The following C11orf65 variants were observed in gnomAD, a reference collection of about 807,000 sequenced individuals.
C11orf65 encodes chromosome 11 open reading frame 65, also known as protein MFI.
Under a neutral mutation model 35.3 loss-of-function variants are expected in C11orf65, and 38 were observed. The observed-to-expected ratio is 1.08, with a 90% CI of 0.83 to 1.41. The LOEUF is 1.41. Among genes scored for constraint, C11orf65 ranks in the 40% most tolerant of loss-of-function variants. The pLI is 0.00. For synonymous variants in C11orf65, 105 were observed against 114.4 expected (o/e 0.92, Z 0.53); for missense variants, 370 against 367.1 (o/e 1.01, Z -0.06).
At chr11:108,384,155 C>T (rs2091932751) in intron 8 of C11orf65, among the ~76,000 whole-genome samples, 1 of 152,136 alleles carries the variant, frequency 6.6e-6, no homozygotes, top group Admixed American at 6.5e-5. Context: ...AGCCATTGTG[C>T]TGGGTCTCTG....
At chr11:108,387,506 G>A (rs1180866916) in intron 7 of C11orf65, among the ~76,000 whole-genome samples, 1 of 151,976 alleles carries the variant, frequency 6.6e-6, no homozygotes, top group African/African-American at 2.4e-5. Flanking sequence ...TGCAGTAGGA[G>A]GGTATATACT....
intron 6 of C11orf65, among the ~76,000 whole-genome samples, chr11:108,403,887 T>TG (rs1270182978): frequency 6.6e-6 from 1 of 152,162 alleles, no homozygotes; most frequent in Non-Finnish European, 1.5e-5. Context: ...TAGCAGTGGC[T>TG]GGGGGGAAAG....
At chr11:108,422,266 C>G (rs1478991647) in intron 3 of C11orf65, among the ~76,000 whole-genome samples, 1 of 152,124 alleles carries the variant, frequency 6.6e-6, no homozygotes. Flanking sequence ...ACAATTTTCA[C>G]TTCCCCAACA....
chr11:108,313,410 A>C (rs1306633860), intron 6 of C11orf65, among the ~76,000 whole-genome samples: 1 of 152,036 alleles, frequency 6.6e-6, no homozygotes, highest in Non-Finnish European at 1.5e-5. Context: ...TGCTGTCTGC[A>C]TTTCCCCCCC....
chr11:108,435,957 A>G (rs2093053579), intron 2 of C11orf65, among the ~76,000 whole-genome samples: 2 of 152,162 alleles, frequency 1.3e-5, no homozygotes, highest in Non-Finnish European at 2.9e-5. Context: ...ACTTTGACAC[A>G]GGGAAATTAT....
At chr11:108,336,650 A>C (rs1382154664) in intron 2 of C11orf65, among the ~76,000 whole-genome samples, 5 of 152,236 alleles carry the variant, frequency 3.3e-5, no homozygotes, top group African/African-American at 1.2e-4. Flanking sequence ...CAAATTTCAT[A>C]CATGCGCAGG....
At chr11:108,451,661 A>T (rs575018210) in intron 2 of C11orf65, among the ~76,000 whole-genome samples, 37 of 152,332 alleles carry the variant, frequency 2.4e-4, no homozygotes, top group African/African-American at 7.9e-4. Flanking sequence ...ACTACTTTAA[A>T]GTTCACATGG....
At chr11:108,446,840 A>T (rs2093269638) in intron 2 of C11orf65, among the ~76,000 whole-genome samples, 1 of 152,176 alleles carries the variant, frequency 6.6e-6, no homozygotes, top group South Asian at 2.1e-4. Context: ...AGACTGGCAA[A>T]TTGGATAAAG....
intron 3 of C11orf65, among the ~76,000 whole-genome samples, chr11:108,427,758 TG>T (rs1450263951): frequency 1.4e-5 from 2 of 139,282 alleles, no homozygotes; most frequent in Non-Finnish European, 3.1e-5. Flanking sequence ...TCATCATTAC[TG>T]GTCATTAGAG....
At chr11:108,335,430 T>C (rs1565542217) in intron 2 of C11orf65, 1 of 571,268 alleles carries the variant, frequency 1.8e-6, no homozygotes, top group Non-Finnish European at 2.8e-6. Flanking sequence ...TAGTGCAAGT[T>C]GACGTCCTTT....
chr11:108,400,731 A>C (rs1243186562), intron 6 of C11orf65, among the ~76,000 whole-genome samples: 1 of 152,174 alleles, frequency 6.6e-6, no homozygotes, highest in African/African-American at 2.4e-5. Flanking sequence ...CAGTGAACTA[A>C]AGGAACCAGT....
At chr11:108,427,862 G>C (rs1220198798) in intron 3 of C11orf65, among the ~76,000 whole-genome samples, 1 of 76,916 alleles carries the variant, frequency 1.3e-5, no homozygotes, top group Admixed American at 2.4e-4. Flanking sequence ...ACAGAGTCTC[G>C]CTCTGTTGCC....
chr11:108,337,687 A>ATC (rs2087003185), intron 2 of C11orf65, among the ~76,000 whole-genome samples: 1 of 152,234 alleles, frequency 6.6e-6, no homozygotes, highest in Non-Finnish European at 1.5e-5. Context: ...TCTATTAGCT[A>ATC]TCTCCTATCT....
At chr11:108,437,492 T>A (rs1591552590) in intron 2 of C11orf65, among the ~76,000 whole-genome samples, 1 of 150,778 alleles carries the variant, frequency 6.6e-6, no homozygotes, top group Non-Finnish European at 1.5e-5. Context: ...GATCATGAGG[T>A]CAAGAGATCG....
At chr11:108,420,070 T>C (rs1448651694) in intron 3 of C11orf65, among the ~76,000 whole-genome samples, 3 of 152,152 alleles carry the variant, frequency 2.0e-5, no homozygotes, top group African/African-American at 7.2e-5. Context: ...ACAAAGCTAA[T>C]GTGCAAAAAT....
chr11:108,333,901 C>A, intron 3 of C11orf65: 1 of 1,609,406 alleles, frequency 6.2e-7, no homozygotes, highest in South Asian at 1.1e-5. Context: ...ATAAATATTC[C>A]AGCAGACCAG....
chr11:108,343,705 G>C (rs1477833919), intron 2 of C11orf65, among the ~76,000 whole-genome samples: 1 of 152,142 alleles, frequency 6.6e-6, no homozygotes, highest in Non-Finnish European at 1.5e-5. Context: ...CCAGCTACTT[G>C]AGAGGCTGAG....
chr11:108,388,970 T>C (rs1414170827), intron 7 of C11orf65, among the ~76,000 whole-genome samples: 1 of 152,242 alleles, frequency 6.6e-6, no homozygotes, highest in Non-Finnish European at 1.5e-5. Context: ...CATCTGAAGA[T>C]GGACATGGTT....
intron 6 of C11orf65, among the ~76,000 whole-genome samples, chr11:108,403,889 G>C (rs1247150790): frequency 1.3e-5 from 2 of 152,120 alleles, no homozygotes; most frequent in African/African-American, 4.8e-5. Flanking sequence ...GCAGTGGCTG[G>C]GGGGAAAGGC....
Sources: allele counts gnomAD v4.1 joint callset (sites outside exome capture counted in the v4.1 genomes callset), GRCh38; gene constraint gnomAD v4.1.1; transcripts MANE v1.5; gene names NCBI Gene and HGNC (gene_info 2026-07-23, HGNC 2026-07-21).